The following HCN4 variants were observed in gnomAD, a reference collection of about 807,000 sequenced individuals.
HCN4 encodes potassium/sodium hyperpolarization-activated cyclic nucleotide-gated channel 4.
Under a neutral mutation model 76.9 loss-of-function variants are expected in HCN4, and 29 were observed. That is an observed-to-expected ratio of 0.38 (90% confidence interval 0.28 to 0.51). HCN4 has a LOEUF of 0.51. Ranked by LOEUF, HCN4 falls within the 20% of genes least tolerant of loss-of-function variation. HCN4 has a pLI of 0.90. For synonymous variants in HCN4, 772 were observed against 762.5 expected, an observed-to-expected ratio of 1.01 and a Z score of -0.21; for missense variants, 1,416 against 1,715.2, an observed-to-expected ratio of 0.83 and a Z score of 3.08.
At position 73,367,340 on chromosome 15, in the gene HCN4, G is replaced by A. The variant is rs2043132898; in HGVS notation, c.785+146C>T. The A allele has an allele frequency of 1.6e-6, 2 of 1,240,614 alleles. No individual in the cohort carries two copies. The allele number at this position is 1,240,614 out of a possible 1,614,324, so 76.9% of individuals were successfully genotyped here. On this transcript the variant is annotated intron_variant, in intron 1 of 7. Coordinates refer to ENST00000261917, the MANE Select transcript of HCN4 (RefSeq NM_005477.3). The surrounding 1 kb of genome is among the most constrained non-coding windows in gnomAD (Gnocchi z 7.5). ...GCGCGGTGCAGGAGGGGGCCTGGGGGTGTCTCGGAGCCTAGAGGCGCCCTG... is the reference window on the plus strand; with the variant it reads ...GCGCGGTGCAGGAGGGGGCCTGGGGATGTCTCGGAGCCTAGAGGCGCCCTG...
Position 73,343,213 on chromosome 15 carries a change from G to A in HCN4, c.1209+172C>T, listed in dbSNP as rs2043014972. Among the ~76,000 whole-genome samples, 2 of 152,222 alleles carry A rather than the reference G, an allele frequency of 1.3e-5. No individual in the cohort carries two copies. Among genetic ancestry groups the A allele is most frequent in the Non-Finnish European group, 2.9e-5 (2 of 68,044 alleles). On this transcript the variant is annotated intron_variant, in intron 2 of 7. Coordinates refer to ENST00000261917, the MANE Select transcript of HCN4 (RefSeq NM_005477.3). This position sits in a 1 kb window ranked among gnomAD's most constrained non-coding sequence, Gnocchi z 5.7. ...ACTTCATTGAGATACTGCATGTAAA[G>A]TATCCAGCACATGATAAGAGGTCAA... is the stretch of plus-strand genomic sequence containing the variant.
At chr15:73,353,375 T>C (rs1164706110) in intron 1 of HCN4, among the ~76,000 whole-genome samples, 2 of 152,162 alleles carry the variant, frequency 1.3e-5, no homozygotes, top group African/African-American at 4.8e-5. Context: ...GCAAAGTCAT[T>C]GCCGTGCCCG....
intron 1 of HCN4, among the ~76,000 whole-genome samples, chr15:73,363,723 A>C (rs2043116589): frequency 6.6e-6 from 1 of 152,234 alleles, no homozygotes; most frequent in South Asian, 2.1e-4. Context: ...CAAGGAAAGG[A>C]AGTTGTGAGG....
intron 1 of HCN4, among the ~76,000 whole-genome samples, chr15:73,365,721 T>A (rs1177927922): frequency 6.6e-6 from 1 of 152,138 alleles, no homozygotes; most frequent in Non-Finnish European, 1.5e-5. Flanking sequence ...ATGCCTGGGG[T>A]TGGCCTCTTG....
chr15:73,368,094 C>A lies in HCN4; in HGVS notation c.177G>T (p.Ser59=). ...RLRPLPSPSP[S]AAAGGTESRS... ...GGGACTCCGTGCCACCCGCGGCCGCCGAGGGGGAGGGCGAGGGCAGTGGCC... is the reference window on the plus strand; with the variant it reads ...GGGACTCCGTGCCACCCGCGGCCGCAGAGGGGGAGGGCGAGGGCAGTGGCC... The change falls in exon 1 of 8, where the codon TCG becomes TCT. Residue 59 remains serine, a synonymous_variant. Transcript: ENST00000261917. The surrounding 1 kb of genome is among the most constrained non-coding windows in gnomAD (Gnocchi z 6.9). 6.7e-7 allele frequency: 1 copy of A among 1,495,416 alleles called. No individual in the cohort carries two copies. The highest frequency in any genetic ancestry group is 1.3e-5 in the South Asian group (1 of 79,988). 92.6% of individuals were successfully genotyped at this position (1,495,416 alleles called of 1,614,324 possible).
intron 2 of HCN4, among the ~76,000 whole-genome samples, chr15:73,341,598 G>T (rs1463932587): frequency 1.3e-5 from 2 of 152,224 alleles, no homozygotes; most frequent in Non-Finnish European, 1.5e-5. Flanking sequence ...GTGGAGCCGG[G>T]ATTTTAACTT....
intron 1 of HCN4, among the ~76,000 whole-genome samples, chr15:73,347,455 G>A (rs537305294): frequency 2.0e-5 from 3 of 152,304 alleles, no homozygotes; most frequent in African/African-American, 7.2e-5. Flanking sequence ...AGACTGCAAA[G>A]AGGATTTGGG....
rs566095713 is a variant in HCN4, at chr15:73,368,400, G to A, written c.-130C>T. ...TGCCGCCGGCGTGGGGGCAGCCTCA[G>A]GCGCCCATGCTTGGGCAGGCTGCGC... On this transcript the variant is annotated 5_prime_UTR_variant, in exon 1 of 8. Coordinates refer to ENST00000261917, the MANE Select transcript of HCN4 (RefSeq NM_005477.3). This position sits in a 1 kb window ranked among gnomAD's most constrained non-coding sequence, Gnocchi z 6.9. The A allele has an allele frequency of 8.0e-5, 44 of 552,386 alleles. No individual in the cohort carries two copies. In the East Asian group the frequency reaches 1.2e-3, roughly 15 times the overall value. The allele number at this position is 552,386 out of a possible 1,614,324, so 34.2% of individuals were successfully genotyped here. A position where few individuals can be genotyped will look rare whatever the true frequency, so the allele number is the denominator to read the frequency against.
At chr15:73,356,374 CTTT>C (rs71137342) in intron 1 of HCN4, among the ~76,000 whole-genome samples, 1 of 118,174 alleles carries the variant, frequency 8.5e-6, no homozygotes, top group African/African-American at 3.2e-5. Flanking sequence ...CTTTTCTTTT[CTTT>C]TTTTTTTTTT....
chr15:73,362,416 A>G (rs1356212211), intron 1 of HCN4, among the ~76,000 whole-genome samples: 1 of 152,232 alleles, frequency 6.6e-6, no homozygotes, highest in Non-Finnish European at 1.5e-5. Flanking sequence ...CACATTAGCA[A>G]TCTTTGGGCG....
At chr15:73,326,742 C>G (rs1203656896) in intron 4 of HCN4, among the ~76,000 whole-genome samples, 3 of 152,020 alleles carry the variant, frequency 2.0e-5, no homozygotes, top group African/African-American at 7.2e-5. Context: ...AAAATAAACT[C>G]TGATGCATTT....
At chr15:73,341,267 A>T (rs2043000869) in intron 2 of HCN4, among the ~76,000 whole-genome samples, 2 of 151,750 alleles carry the variant, frequency 1.3e-5, no homozygotes, top group Non-Finnish European at 2.9e-5. Flanking sequence ...CAGCCTCCCG[A>T]GTAGCTGGGA....
intron 1 of HCN4, among the ~76,000 whole-genome samples, chr15:73,352,309 G>A (rs939766607): frequency 6.6e-6 from 1 of 152,294 alleles, no homozygotes; most frequent in East Asian, 1.9e-4. Flanking sequence ...ACATGATGCG[G>A]GCAGCCCTCA....
At chr15:73,356,323 G>A (rs148659011) in intron 1 of HCN4, among the ~76,000 whole-genome samples, 1,602 of 150,974 alleles carry the variant, frequency 0.011, 26 homozygotes, top group African/African-American at 0.036. Context: ...GAGTGGCTGG[G>A]ACTACAGGCA....
Position 73,367,998 on chromosome 15 carries a change from G to A in HCN4, c.273C>T (p.Gly91=), listed in dbSNP as rs987663451. 2 of 1,367,678 alleles carry A rather than the reference G, an allele frequency of 1.5e-6. No homozygotes were observed. Among genetic ancestry groups the A allele is most frequent in the Non-Finnish European group, 1.9e-6 (2 of 1,066,834 alleles). 84.7% of individuals were successfully genotyped at this position (1,367,678 alleles called of 1,614,324 possible). The change falls in exon 1 of 8, where the codon GGC becomes GGT. Residue 91 remains glycine, a synonymous_variant. Transcript: ENST00000261917. This position sits in a 1 kb window ranked among gnomAD's most constrained non-coding sequence, Gnocchi z 7.5. ...ARGAGKSSTN[G]DCRRFRGSLA... is the part of the protein sequence containing the mutation. Reference sequence around the variant, plus strand: ...GGCTCCCGCGGAAGCGCCTGCAGTCGCCGTTCGTGCTGGACTTGCCCGCGC... The same window carrying A: ...GGCTCCCGCGGAAGCGCCTGCAGTCACCGTTCGTGCTGGACTTGCCCGCGC...
chr15:73,353,493 CG>C (rs1274018799), intron 1 of HCN4, among the ~76,000 whole-genome samples: 1 of 152,182 alleles, frequency 6.6e-6, no homozygotes, highest in African/African-American at 2.4e-5. Context: ...TAACATCACA[CG>C]CATGTCAGTC....
rs189162958 is a variant in HCN4 at position 73,353,026 on chromosome 15, A to G, written c.786-9218T>C. Among the ~76,000 whole-genome samples, 580 of 152,134 alleles carry G rather than the reference A, an allele frequency of 3.8e-3. 14 individuals are homozygous for G. The highest frequency in any genetic ancestry group is 0.027 in the Admixed American group (417 of 15,286). ...GACAGATGGATGGATGGATGGATGG[A>G]TGGATGGATGGATGGATGGATGGAC... On this transcript the variant is annotated intron_variant, in intron 1 of 7. Transcript: ENST00000261917.
At chr15:73,347,488 G>A (rs549109498) in intron 1 of HCN4, among the ~76,000 whole-genome samples, 1 of 152,300 alleles carries the variant, frequency 6.6e-6, no homozygotes, top group South Asian at 2.1e-4. Context: ...CTGATGCTAG[G>A]GCTGTCTGAG....
chr15:73,325,236 G>A lies in HCN4; in HGVS notation c.1738-41C>T, dbSNP rs765463318. The A allele has an allele frequency of 3.1e-6, 5 of 1,613,976 alleles. No homozygotes were observed. In the East Asian group the frequency reaches 8.9e-5, roughly 29 times the overall value. On this transcript the variant is annotated intron_variant, in intron 5 of 7. Coordinates refer to ENST00000261917, the MANE Select transcript of HCN4 (RefSeq NM_005477.3). The surrounding 1 kb of genome is among the most constrained non-coding windows in gnomAD (Gnocchi z 7.4). ...GATTGGGACACGGGAAGGAGGTGGT[G>A]AGGGGAGCTGGCTGCCAGGAAGGCC...
Sources: gnomAD v4.1 joint callset for allele counts (sites outside exome capture counted in the v4.1 genomes callset) on GRCh38, gnomAD v4.1.1 for gene constraint, Gnocchi (gnomAD v3.1) non-coding constraint, MANE v1.5 for transcripts, NCBI Gene and HGNC (gene_info 2026-07-23, HGNC 2026-07-21) for gene names.